Variants in ALK observed in about 807,000 individuals in gnomAD.
The protein encoded by ALK is ALK receptor tyrosine kinase.
Under a neutral mutation model 163.1 loss-of-function variants are expected in ALK, and 74 were observed. The ratio of observed to expected loss-of-function variants is 0.45; its 90% CI spans 0.38 to 0.55. The LOEUF (loss-of-function observed/expected upper bound fraction) is 0.55. Among genes scored for constraint, ALK ranks in the 20% least tolerant of loss-of-function variants. ALK has a pLI of 0.00. For synonymous variants in ALK, 960 were observed against 843.2 expected, an observed-to-expected ratio of 1.14 and a Z score of -2.40; for missense variants, 2,063 against 2,105.3, an observed-to-expected ratio of 0.98 and a Z score of 0.39.
intron 3 of ALK, among the ~76,000 whole-genome samples, chr2:29,623,531 A>G (rs1042836385): frequency 3.3e-5 from 5 of 152,188 alleles, no homozygotes; most frequent in African/African-American, 4.8e-5. Flanking sequence ...CAACAATCCT[A>G]TGTGGTAGGT....
intron 3 of ALK, among the ~76,000 whole-genome samples, chr2:29,633,558 TAATA>T (rs1676441420): frequency 6.6e-6 from 1 of 151,314 alleles, no homozygotes; most frequent in Admixed American, 6.6e-5. Flanking sequence ...GCAGAAGATA[TAATA>T]AATATAGAGA....
intron 1 of ALK, among the ~76,000 whole-genome samples, chr2:29,899,197 G>A (rs1036723293): frequency 1.3e-5 from 2 of 152,178 alleles, no homozygotes; most frequent in African/African-American, 2.4e-5. Flanking sequence ...ATGTGCACTC[G>A]AGCTTGAGAC....
At chr2:29,244,434 A>G (rs1241275115) in intron 12 of ALK, among the ~76,000 whole-genome samples, 1 of 152,072 alleles carries the variant, frequency 6.6e-6, no homozygotes, top group Admixed American at 6.6e-5. Flanking sequence ...GTCAGGGTTG[A>G]AGGGCCCAAT....
chr2:29,416,979 C>CTTTTTTTTTTTTTT (rs751862066), intron 4 of ALK, among the ~76,000 whole-genome samples: 1 of 77,664 alleles, frequency 1.3e-5, no homozygotes, highest in African/African-American at 5.5e-5. Flanking sequence ...ATGTTTGATG[C>CTTTTTTTTTTTTTT]TTTTTTTTTT....
At chr2:29,657,305 T>C (rs1677212114) in intron 3 of ALK, among the ~76,000 whole-genome samples, 1 of 152,158 alleles carries the variant, frequency 6.6e-6, no homozygotes, top group South Asian at 2.1e-4. Flanking sequence ...GAAGTCCTGA[T>C]CTTAATACCA....
At chr2:29,897,926 G>C (rs1326576143) in intron 1 of ALK, among the ~76,000 whole-genome samples, 3 of 152,144 alleles carry the variant, frequency 2.0e-5, no homozygotes, top group African/African-American at 7.2e-5. Context: ...GTGCTATAGA[G>C]AGAGGTGGAA....
chr2:29,323,523 G>A (rs1038701553), intron 6 of ALK, among the ~76,000 whole-genome samples: 1 of 152,136 alleles, frequency 6.6e-6, no homozygotes, highest in Non-Finnish European at 1.5e-5. Flanking sequence ...ACTCAATAAC[G>A]GGAGAGGAGG....
intron 5 of ALK, among the ~76,000 whole-genome samples, chr2:29,332,218 G>A (rs573357695): frequency 7.5e-5 from 11 of 145,828 alleles, no homozygotes; most frequent in South Asian, 2.2e-4. Flanking sequence ...CCAGGGAGGC[G>A]GAGGTTGCAG....
chr2:29,356,423 C>T (rs1277115468), intron 5 of ALK, among the ~76,000 whole-genome samples: 1 of 151,720 alleles, frequency 6.6e-6, no homozygotes, highest in African/African-American at 2.4e-5. Flanking sequence ...ACATTCTTAA[C>T]CTCTATGCTA....
intron 4 of ALK, among the ~76,000 whole-genome samples, chr2:29,460,078 G>A (rs188785785): frequency 2.0e-5 from 3 of 152,182 alleles, no homozygotes; most frequent in Admixed American, 6.5e-5. Flanking sequence ...TTGCTCCACA[G>A]TGAAGAGGTT....
At chr2:29,322,046 T>A (rs1216552426) in intron 6 of ALK, among the ~76,000 whole-genome samples, 1 of 152,238 alleles carries the variant, frequency 6.6e-6, no homozygotes, top group African/African-American at 2.4e-5. Context: ...CCTAAGGAGC[T>A]AGTGGCCTAT....
intron 3 of ALK, among the ~76,000 whole-genome samples, chr2:29,625,821 A>G (rs2001914): frequency 0.64 from 97,276 of 152,098 alleles, 32,078 homozygotes; most frequent in Middle Eastern, 0.75. Context: ...AGTTGACATC[A>G]CTTGCCTGAT....
chr2:29,876,341 G>A (rs1478400879), intron 1 of ALK, among the ~76,000 whole-genome samples: 2 of 151,970 alleles, frequency 1.3e-5, no homozygotes, highest in African/African-American at 4.8e-5. Context: ...TGGTGGTGAT[G>A]GTGATGGTAG....
chr2:29,449,391 G>A (rs949131231), intron 4 of ALK, among the ~76,000 whole-genome samples: 4 of 152,220 alleles, frequency 2.6e-5, no homozygotes, highest in Admixed American at 6.5e-5. Flanking sequence ...AGGTGGTGGC[G>A]TTGATCTTGG....
At chr2:29,330,276 A>G (rs890707762) in intron 5 of ALK, among the ~76,000 whole-genome samples, 4 of 152,132 alleles carry the variant, frequency 2.6e-5, no homozygotes, top group African/African-American at 9.7e-5. Context: ...GAGGGCGATG[A>G]ACATGGTCAT....
chr2:29,837,678 T>C (rs1042648425), intron 1 of ALK, among the ~76,000 whole-genome samples: 1 of 152,122 alleles, frequency 6.6e-6, no homozygotes, highest in Non-Finnish European at 1.5e-5. Flanking sequence ...AAAGCAAGCT[T>C]CAAAAGGACT....
chr2:29,551,417 A>T (rs1431939141), intron 3 of ALK, among the ~76,000 whole-genome samples: 1 of 152,122 alleles, frequency 6.6e-6, no homozygotes, highest in Non-Finnish European at 1.5e-5. Context: ...TATATTTAGG[A>T]TATAATTTAA....
At chr2:29,758,005 CTTTTTTTTTT>C (rs1213067837) in intron 1 of ALK, among the ~76,000 whole-genome samples, 2 of 104,972 alleles carry the variant, frequency 1.9e-5, no homozygotes, top group Non-Finnish European at 3.5e-5. Flanking sequence ...CCCGCATCCT[CTTTTTTTTTT>C]TTTTTTTTTT....
intron 5 of ALK, among the ~76,000 whole-genome samples, chr2:29,353,648 C>A (rs1223913956): frequency 6.6e-6 from 1 of 151,778 alleles, no homozygotes; most frequent in African/African-American, 2.4e-5. Flanking sequence ...TTGTGTTGAA[C>A]TGTAAATGAC....
Sources: gnomAD v4.1 joint callset for allele counts (sites outside exome capture counted in the v4.1 genomes callset) on GRCh38, gnomAD v4.1.1 for gene constraint, MANE v1.5 for transcripts, NCBI Gene and HGNC (gene_info 2026-07-23, HGNC 2026-07-21) for gene names.